CERS6: variants seen among roughly 807,000 people sequenced by gnomAD.
CERS6 encodes ceramide synthase 6.
A neutral mutation model predicts 56.8 loss-of-function variants in CERS6; 26 were observed. That is an observed-to-expected ratio of 0.46 (90% CI 0.34 to 0.63). The LOEUF (loss-of-function observed/expected upper bound fraction) is 0.63, where lower values mean the gene tolerates loss of function less well. Ranked by LOEUF, CERS6 falls within the 30% of genes least tolerant of loss-of-function variation. The probability of loss-of-function intolerance (pLI) is 0.01; values close to 1 mark genes in which losing one functional copy is unlikely to be tolerated. For missense variants in CERS6, 415 were observed against 467.5 expected (o/e 0.89, Z 1.04); for synonymous variants, 164 against 173.3 (o/e 0.95, Z 0.42).
intron 1 of CERS6, among the ~76,000 whole-genome samples, chr2:168,505,718 A>G (rs1404627345): frequency 1.3e-5 from 2 of 152,214 alleles, no homozygotes; most frequent in Non-Finnish European, 2.9e-5. Flanking sequence ...GTTAGAGGGA[A>G]AATTCCCCTT....
intron 8 of CERS6, among the ~76,000 whole-genome samples, chr2:168,753,787 G>A (rs956417632): frequency 6.6e-6 from 1 of 152,106 alleles, no homozygotes; most frequent in African/African-American, 2.4e-5. Context: ...TTAAAGTATT[G>A]TAACACTTCC....
At chr2:168,598,460 A>T (rs1363757542) in intron 3 of CERS6, among the ~76,000 whole-genome samples, 1 of 151,542 alleles carries the variant, frequency 6.6e-6, no homozygotes, top group Non-Finnish European at 1.5e-5. Flanking sequence ...ATTCCTATAT[A>T]TTTTTGATGG....
rs1478525002 is a variant in CERS6, at chr2:168,770,134, T to C, written c.*472T>C. ...AGCTCTAAATAGGTTTGCTTTCTTT[T>C]AGTTACAGTGCCCATTTTGAAATTG... On this transcript the variant is annotated 3_prime_UTR_variant, in exon 10 of 10. Coordinates refer to ENST00000305747, the MANE Select transcript of CERS6 (RefSeq NM_203463.3). 6.2e-6 allele frequency: 1 copy of C among 160,812 alleles called. No homozygotes were observed. The highest frequency in any genetic ancestry group is 1.9e-4 in the East Asian group (1 of 5,250). The allele number at this position is 160,812 out of a possible 1,614,324, so 10.0% of individuals were successfully genotyped here. A position where few individuals can be genotyped will look rare whatever the true frequency, so the allele number is the denominator to read the frequency against.
chr2:168,655,162 A>G (rs1241011571), intron 4 of CERS6, among the ~76,000 whole-genome samples: 5 of 152,220 alleles, frequency 3.3e-5, no homozygotes, highest in Admixed American at 3.3e-4. Flanking sequence ...GCAGGGAAAT[A>G]TAGATTAAAA....
In CERS6 at chr2:168,456,604, G is replaced by C. The variant is rs1332561552; in HGVS notation, c.156G>C (p.Arg52=). Residue 52 remains arginine, a synonymous_variant, in exon 1 of 10, where the codon CGG becomes CGC. Transcript: ENST00000305747. This position sits in a 1 kb window ranked among gnomAD's most constrained non-coding sequence, Gnocchi z 4.1. ...FPLAFCIFMV[R]LIFERFVAKP... The stretch of plus-strand genomic sequence containing the variant: ...TGGCCTTCTGTATCTTCATGGTGCG[G>C]CTCATCTTCGAGAGGTAAGAAGGGC... The C allele has an allele frequency of 6.2e-7, 1 of 1,613,550 alleles. No individual in the cohort carries two copies. Among genetic ancestry groups the C allele is most frequent in the Non-Finnish European group, 8.5e-7 (1 of 1,179,646 alleles).
chr2:168,718,010 C>T (rs373503310), intron 8 of CERS6, 32 bp downstream of exon 8: 2 of 1,442,960 alleles, frequency 1.4e-6, no homozygotes, highest in South Asian at 1.2e-5. Flanking sequence ...CTGATAGAGC[C>T]ACCCTTTCCA....
At chr2:168,711,286 A>AGAG (rs1687081925) in intron 6 of CERS6, among the ~76,000 whole-genome samples, 1 of 152,228 alleles carries the variant, frequency 6.6e-6, no homozygotes, top group Admixed American at 6.5e-5. Flanking sequence ...TGCTAAATAA[A>AGAG]GAGGGTGCAT....
intron 8 of CERS6, among the ~76,000 whole-genome samples, chr2:168,721,464 A>T (rs2105397914): frequency 6.6e-6 from 1 of 151,806 alleles, no homozygotes; most frequent in South Asian, 2.1e-4. Context: ...TTTCATAGGC[A>T]TATGCTTAGG....
chr2:168,650,967 G>A (rs1182794521), intron 4 of CERS6, among the ~76,000 whole-genome samples: 1 of 152,150 alleles, frequency 6.6e-6, no homozygotes, highest in Non-Finnish European at 1.5e-5. Context: ...CAGTTGGAGA[G>A]TGGGCAGGAG....
intron 3 of CERS6, among the ~76,000 whole-genome samples, chr2:168,620,042 C>T (rs1282347954): frequency 2.7e-5 from 4 of 145,512 alleles, no homozygotes; most frequent in African/African-American, 1.0e-4. Context: ...CACACACACA[C>T]ACACACACAC....
At chr2:168,505,635 A>G (rs529790121) in intron 1 of CERS6, among the ~76,000 whole-genome samples, 9 of 152,268 alleles carry the variant, frequency 5.9e-5, no homozygotes, top group South Asian at 2.1e-4. Flanking sequence ...TACTGAAAGC[A>G]TGGCCCCCAG....
chr2:168,621,215 A>AATAATAAAC (rs1684463138), intron 3 of CERS6, among the ~76,000 whole-genome samples: 1 of 152,216 alleles, frequency 6.6e-6, no homozygotes. Flanking sequence ...GACTCTAAAT[A>AATAATAAAC]ATAATAAACA....
At chr2:168,762,201 T>C (rs1010566447) in intron 8 of CERS6, among the ~76,000 whole-genome samples, 11 of 152,044 alleles carry the variant, frequency 7.2e-5, no homozygotes, top group African/African-American at 2.7e-4. Flanking sequence ...CAAAAAAAAA[T>C]AGTTTCTGGA....
At chr2:168,473,053 TTTTG>T (rs1337221504) in intron 1 of CERS6, among the ~76,000 whole-genome samples, 2 of 152,182 alleles carry the variant, frequency 1.3e-5, no homozygotes, top group African/African-American at 2.4e-5. Flanking sequence ...TATTTAAGCT[TTTTG>T]TTCTGTCTTT....
rs746548982 is a variant in CERS6, at chr2:168,561,280, A to G, written c.365A>G (p.Asn122Ser). Residue 122 changes from asparagine to serine, a missense_variant, in exon 3 of 10, where the codon AAT (asparagine) becomes AGT (serine). Transcript: ENST00000305747. ...SIQRWFRQRR[N>S]QEKPSTLTRF... ...CAGCGCTGGTTTCGACAAAGACGCAATCAGGAGAAGCCAAGCACGCTGACG... is the reference window on the plus strand; with the variant it reads ...CAGCGCTGGTTTCGACAAAGACGCAGTCAGGAGAAGCCAAGCACGCTGACG... 5.6e-6 allele frequency: 9 copies of G among 1,614,070 alleles called. No homozygotes were observed. Among genetic ancestry groups the G allele is most frequent in the African/African-American group, 5.3e-5 (4 of 74,934 alleles).
intron 3 of CERS6, among the ~76,000 whole-genome samples, chr2:168,596,110 A>T (rs1683791195): frequency 6.6e-6 from 1 of 152,096 alleles, no homozygotes; most frequent in African/African-American, 2.4e-5. Context: ...TAAAAATAAA[A>T]ATTATCATTA....
chr2:168,585,202 C>T (rs936871240), intron 3 of CERS6, among the ~76,000 whole-genome samples: 17 of 152,258 alleles, frequency 1.1e-4, no homozygotes, highest in African/African-American at 4.1e-4. Context: ...TTACAGGCTG[C>T]TGAATGAACA....
At chr2:168,729,379 A>T (rs1231711027) in intron 8 of CERS6, among the ~76,000 whole-genome samples, 1 of 152,238 alleles carries the variant, frequency 6.6e-6, no homozygotes, top group Non-Finnish European at 1.5e-5. Context: ...GCTGTTATAC[A>T]GCACAGTTAT....
intron 6 of CERS6, among the ~76,000 whole-genome samples, chr2:168,696,501 G>A (rs949184697): frequency 3.9e-5 from 6 of 152,158 alleles, no homozygotes; most frequent in South Asian, 2.1e-4. Context: ...GTTCAAATAC[G>A]TGGAGGATAA....
Sources: gnomAD v4.1 joint callset for allele counts (sites outside exome capture counted in the v4.1 genomes callset) on GRCh38, gnomAD v4.1.1 for gene constraint, Gnocchi (gnomAD v3.1) non-coding constraint, MANE v1.5 for transcripts, NCBI Gene and HGNC (gene_info 2026-07-23, HGNC 2026-07-21) for gene names.